Variants in MACROD1 observed in about 807,000 individuals in gnomAD.
The protein encoded by MACROD1 is ADP-ribose glycohydrolase MACROD1.
A neutral mutation model predicts 41.4 loss-of-function variants in MACROD1; 31 were observed. The ratio of observed to expected loss-of-function variants is 0.75; its 90% confidence interval spans 0.56 to 1.01. The LOEUF (loss-of-function observed/expected upper bound fraction) is 1.01. MACROD1 is among the 50% of genes least tolerant of loss of function. The pLI is 0.00. For synonymous variants in MACROD1, 252 were observed against 203.4 expected (o/e 1.24, Z -2.03); for missense variants, 473 against 460.0 (o/e 1.03, Z -0.26).
chr11:63,999,277 C>A, intron 8 of MACROD1, 54 bp downstream of exon 8: 1 of 1,528,206 alleles, frequency 6.5e-7, no homozygotes, highest in Non-Finnish European at 8.8e-7. Flanking sequence ...ATGATGGGGG[C>A]TGGTCACTCT....
At chr11:64,118,420 A>G (rs748415013) in intron 3 of MACROD1, 31 of 1,233,284 alleles carry the variant, frequency 2.5e-5, no homozygotes, top group Non-Finnish European at 3.3e-5. Context: ...CCTCCGCAGA[A>G]AGCAAAGTTT....
rs540818100 is a variant in MACROD1 at position 64,029,691 on chromosome 11, G to A, written c.518-14410C>T. On this transcript the variant is annotated intron_variant, in intron 3 of 10. Coordinates refer to ENST00000255681, the MANE Select transcript of MACROD1 (RefSeq NM_014067.4). ...TCGGACCCATGCCCATGAGCTGCTCGTCACACAGCCCTCCCTACCCTGGCT... is the reference window on the plus strand; with the variant it reads ...TCGGACCCATGCCCATGAGCTGCTCATCACACAGCCCTCCCTACCCTGGCT... Among the ~76,000 whole-genome samples, 142 of 151,696 alleles carry A rather than the reference G, an allele frequency of 9.4e-4. 3 individuals are homozygous for A. In the South Asian group the frequency reaches 0.028, roughly 29 times the overall value.
chr11:64,079,928 G>C (rs1401502086), intron 3 of MACROD1, among the ~76,000 whole-genome samples: 1 of 152,152 alleles, frequency 6.6e-6, no homozygotes, highest in Admixed American at 6.5e-5. Flanking sequence ...TTGTATCACA[G>C]GAAGGGACAA....
chr11:64,071,998 C>A (rs1944116527), intron 3 of MACROD1, among the ~76,000 whole-genome samples: 2 of 152,342 alleles, frequency 1.3e-5, no homozygotes, highest in Middle Eastern at 3.4e-3. Context: ...CTGAGCCGCT[C>A]CAGCAGGTCG....
At chr11:64,118,068 A>G in intron 3 of MACROD1, 3 of 1,613,062 alleles carry the variant, frequency 1.9e-6, no homozygotes, top group South Asian at 1.1e-5. Flanking sequence ...GGATGACTAT[A>G]TGGAGTCAGG....
chr11:64,095,024 C>T (rs578191978), intron 3 of MACROD1, among the ~76,000 whole-genome samples: 10 of 152,304 alleles, frequency 6.6e-5, no homozygotes, highest in South Asian at 2.1e-4. Flanking sequence ...AAGTGTGCCG[C>T]GAATGCTTTC....
intron 3 of MACROD1, chr11:64,116,469 A>G: frequency 6.2e-7 from 1 of 1,614,014 alleles, no homozygotes; most frequent in Non-Finnish European, 8.5e-7. Flanking sequence ...CATCTACTGC[A>G]ACGACCGGGG....
intron 3 of MACROD1, among the ~76,000 whole-genome samples, chr11:64,037,781 G>T (rs996793666): frequency 6.6e-6 from 1 of 152,162 alleles, no homozygotes; most frequent in Non-Finnish European, 1.5e-5. Context: ...TGGCCTGCTG[G>T]ACTTCACCTA....
At chr11:64,118,195 G>A (rs888654575) in intron 3 of MACROD1, 1 of 1,612,960 alleles carries the variant, frequency 6.2e-7, no homozygotes, top group African/African-American at 1.3e-5. Context: ...CCCTCCAACG[G>A]CAGCAGCCTC....
intron 3 of MACROD1, among the ~76,000 whole-genome samples, chr11:64,133,929 G>A (rs567828331): frequency 1.3e-5 from 2 of 152,376 alleles, no homozygotes; most frequent in African/African-American, 4.8e-5. Flanking sequence ...CTGGGACCTG[G>A]AGGACGGTCG....
rs1945502945 is a variant in MACROD1 at position 64,146,821 on chromosome 11, ACTC to A, written c.517+4415_517+4417del. Reference sequence around the variant, plus strand: ...CGCACACCCCACACACATAGGCCAAACTCCTGACCTCACACACACACTCTATCA... The same window carrying A: ...CGCACACCCCACACACATAGGCCAAACTGACCTCACACACACACTCTATCA... On this transcript the variant is annotated intron_variant, in intron 3 of 10. Coordinates refer to ENST00000255681, the MANE Select transcript of MACROD1 (RefSeq NM_014067.4). This position sits in a 1 kb window ranked among gnomAD's most constrained non-coding sequence, Gnocchi z 4.7. Among the ~76,000 whole-genome samples the A allele has an allele frequency of 6.6e-6, 1 of 151,426 alleles. No individual in the cohort carries two copies. Among genetic ancestry groups the A allele is most frequent in the African/African-American group, 2.4e-5 (1 of 41,166 alleles).
Position 63,998,944 on chromosome 11 carries a change from G to A in MACROD1, c.973+11C>T, listed in dbSNP as rs1176664444. ...GCAGGGGCGGGCCGTGGGGCGGCGCGGGGCACGTACCCACGGGGAAGTAGT... is the reference window on the plus strand; with the variant it reads ...GCAGGGGCGGGCCGTGGGGCGGCGCAGGGCACGTACCCACGGGGAAGTAGT... On this transcript the variant is annotated intron_variant, in intron 9 of 10. Coordinates refer to ENST00000255681, the MANE Select transcript of MACROD1 (RefSeq NM_014067.4). 6.3e-7 allele frequency: 1 copy of A among 1,579,594 alleles called. No individual in the cohort carries two copies. The highest frequency in any genetic ancestry group is 1.8e-5 in the Admixed American group (1 of 56,378).
intron 3 of MACROD1, among the ~76,000 whole-genome samples, chr11:64,033,603 G>A (rs773567652): frequency 1.3e-5 from 2 of 152,134 alleles, no homozygotes; most frequent in Admixed American, 6.5e-5. Flanking sequence ...CACTTTGGGA[G>A]GCCGAGTTGG....
In MACROD1 at chr11:64,122,435, TC is replaced by T. The variant is rs1945113638; in HGVS notation, c.517+28803del. ...AGCTAGGAGGGGCCCAACCTGACTC[TC>T]CCAAAGCCCAAAGCCCACACCTGCC... On this transcript the variant is annotated intron_variant, in intron 3 of 10. Coordinates refer to ENST00000255681, the MANE Select transcript of MACROD1 (RefSeq NM_014067.4). The surrounding 1 kb of genome is among the most constrained non-coding windows in gnomAD (Gnocchi z 4.0). Among the ~76,000 whole-genome samples, 1 of 151,862 alleles carries T rather than the reference TC, an allele frequency of 6.6e-6. No individual in the cohort carries two copies.
At chr11:64,133,559 C>T (rs1451757149) in intron 3 of MACROD1, among the ~76,000 whole-genome samples, 1 of 152,204 alleles carries the variant, frequency 6.6e-6, no homozygotes, top group Non-Finnish European at 1.5e-5. Flanking sequence ...AAGCACTGGA[C>T]ACAGGTAGAG....
intron 3 of MACROD1, among the ~76,000 whole-genome samples, chr11:64,079,035 G>A (rs1186760246): frequency 6.6e-6 from 1 of 152,054 alleles, no homozygotes; most frequent in African/African-American, 2.4e-5. Flanking sequence ...GGTTCCCAGG[G>A]GCTTGCTGAG....
At chr11:64,112,058 T>C (rs915354958) in intron 3 of MACROD1, among the ~76,000 whole-genome samples, 2 of 152,220 alleles carry the variant, frequency 1.3e-5, no homozygotes, top group East Asian at 1.9e-4. Context: ...CAGGGGACCA[T>C]GGACAGGTCT....
intron 3 of MACROD1, among the ~76,000 whole-genome samples, chr11:64,078,015 C>T (rs1386485634): frequency 1.3e-5 from 2 of 152,210 alleles, no homozygotes; most frequent in African/African-American, 4.8e-5. Context: ...ACGCTCTCCC[C>T]GTGCCCAAGG....
intron 3 of MACROD1, among the ~76,000 whole-genome samples, chr11:64,049,536 C>A (rs1427813877): frequency 6.6e-6 from 1 of 152,238 alleles, no homozygotes; most frequent in Non-Finnish European, 1.5e-5. Context: ...GTCAGCCTCC[C>A]CAAGCGGTCT....
Sources: gnomAD v4.1 joint callset for allele counts (sites outside exome capture counted in the v4.1 genomes callset) on GRCh38, gnomAD v4.1.1 for gene constraint, Gnocchi (gnomAD v3.1) non-coding constraint, MANE v1.5 for transcripts, NCBI Gene and HGNC (gene_info 2026-07-23, HGNC 2026-07-21) for gene names.